The following CUEDC1 variants were observed in gnomAD, a reference collection of about 807,000 sequenced individuals.
CUEDC1 encodes the protein CUE domain containing 1.
A neutral mutation model predicts 43.7 loss-of-function variants in CUEDC1; 30 were observed. That is an observed-to-expected ratio of 0.69 (90% confidence interval 0.51 to 0.93). The LOEUF is 0.93. Ranked by LOEUF, CUEDC1 falls within the 40% of genes least tolerant of loss-of-function variation. CUEDC1 has a pLI of 0.00. For synonymous variants in CUEDC1, 223 were observed against 223.6 expected (o/e 1.00, Z 0.02); for missense variants, 486 against 549.0 (o/e 0.89, Z 1.15).
chr17:57,953,791 G>C (rs1270405075), intron 1 of CUEDC1, among the ~76,000 whole-genome samples: 1 of 152,154 alleles, frequency 6.6e-6, no homozygotes, highest in Non-Finnish European at 1.5e-5. Flanking sequence ...TTCTATTCAA[G>C]GATGTGCCCA....
At chr17:57,902,866 G>A (rs991597562) in intron 1 of CUEDC1, 1 of 152,256 alleles carries the variant, frequency 6.6e-6, no homozygotes, top group Non-Finnish European at 1.5e-5. Context: ...GCAGAGGAGG[G>A]GATTGAAGTA....
At chr17:57,875,412 G>T (rs956833250) in intron 3 of CUEDC1, among the ~76,000 whole-genome samples, 2 of 152,108 alleles carry the variant, frequency 1.3e-5, no homozygotes, top group Non-Finnish European at 2.9e-5. Context: ...TTTCCTTGCT[G>T]CTAGGCCTGT....
At chr17:57,897,031 A>G (rs925442541) in intron 1 of CUEDC1, among the ~76,000 whole-genome samples, 1 of 152,070 alleles carries the variant, frequency 6.6e-6, no homozygotes, top group Non-Finnish European at 1.5e-5. Flanking sequence ...TAGGCCTCCC[A>G]AAGTGCTGGG....
At chr17:57,922,298 C>G (rs1008715092) in intron 1 of CUEDC1, 1 of 152,128 alleles carries the variant, frequency 6.6e-6, no homozygotes, top group African/African-American at 2.4e-5. Context: ...TACCCTGTTT[C>G]CTCTATGACC....
In CUEDC1 at chr17:57,872,682, G is replaced by A; in HGVS notation, c.765C>T (p.Phe255=). The part of the protein sequence containing the change: ...FMKELQRNRD[F]LLALERDRLK... ...GCCCACCTCTCTCCAGAGCGAGGAG[G>A]AAGTCGCGGTTCCGTTGCAGCTCCT... is the stretch of plus-strand genomic sequence containing the variant. The change falls in exon 5 of 11, where the codon TTC becomes TTT. Residue 255 remains phenylalanine, a synonymous_variant. Coordinates refer to ENST00000577830, the MANE Select transcript of CUEDC1 (RefSeq NM_001271875.2). 3 of 1,614,110 alleles carry A rather than the reference G, an allele frequency of 1.9e-6. No individual in the cohort carries two copies. Among genetic ancestry groups the A allele is most frequent in the Non-Finnish European group, 2.5e-6 (3 of 1,180,026 alleles).
intron 4 of CUEDC1, 23 bp downstream of exon 4, chr17:57,873,568 A>C: frequency 6.6e-7 from 1 of 1,524,136 alleles, no homozygotes; most frequent in Non-Finnish European, 8.8e-7. Context: ...GTGGGAGTGG[A>C]AGGCGGGGGC....
At chr17:57,891,573 G>C (rs112917914) in intron 1 of CUEDC1, among the ~76,000 whole-genome samples, 2 of 152,226 alleles carry the variant, frequency 1.3e-5, no homozygotes, top group African/African-American at 4.8e-5. Flanking sequence ...GCTTTACCGT[G>C]GCCAACCCAC....
At chr17:57,895,183 A>G (rs2074395841) in intron 1 of CUEDC1, among the ~76,000 whole-genome samples, 1 of 152,214 alleles carries the variant, frequency 6.6e-6, no homozygotes, top group African/African-American at 2.4e-5. Context: ...TAGTAGAAAA[A>G]TGAGGCGTAG....
At chr17:57,890,250 A>C (rs2074340788) in intron 1 of CUEDC1, among the ~76,000 whole-genome samples, 1 of 152,208 alleles carries the variant, frequency 6.6e-6, no homozygotes, top group African/African-American at 2.4e-5. Flanking sequence ...AAATTCAGCC[A>C]TGTGTGCCCC....
At chr17:57,933,796 A>G (rs1377381807) in intron 1 of CUEDC1, among the ~76,000 whole-genome samples, 1 of 152,124 alleles carries the variant, frequency 6.6e-6, no homozygotes, top group Non-Finnish European at 1.5e-5. Context: ...ACAAATGAAC[A>G]CAGGCCCAGA....
In CUEDC1 at chr17:57,896,487, G is replaced by GGGGGGGGGGT. The variant is rs375270781; in HGVS notation, c.-315-10609_-315-10608insACCCCCCCCC. The stretch of plus-strand genomic sequence containing the variant: ...GTCACTCTACTATAGTGCATTATGG[G>GGGGGGGGGGT]GTGTGTGTGTGTGTGTGTGTGTGTG... On this transcript the variant is annotated intron_variant, in intron 1 of 10. Transcript: ENST00000577830. Among the ~76,000 whole-genome samples the GGGGGGGGGGT allele has an allele frequency of 1.5e-4, 19 of 130,364 alleles. 1 individual carries two copies. Among genetic ancestry groups the GGGGGGGGGGT allele is most frequent in the South Asian group, 5.0e-4 (2 of 4,024 alleles). 85.5% of individuals were successfully genotyped at this position (130,364 alleles called of 152,430 possible). A position where few individuals can be genotyped will look rare whatever the true frequency, so the allele number is the denominator to read the frequency against.
chr17:57,908,122 T>G (rs1304632209), intron 1 of CUEDC1, among the ~76,000 whole-genome samples: 1 of 151,644 alleles, frequency 6.6e-6, no homozygotes, highest in Non-Finnish European at 1.5e-5. Flanking sequence ...AGTGGCATGA[T>G]CTCGGCTCAC....
chr17:57,867,526 C>T (rs2073977754), intron 8 of CUEDC1, 111 bp from the exon 9 acceptor site: 2 of 964,326 alleles, frequency 2.1e-6, no homozygotes, highest in African/African-American at 1.6e-5. Context: ...GTACCTGACA[C>T]ACCCACCTGA....
intron 1 of CUEDC1, among the ~76,000 whole-genome samples, chr17:57,887,898 C>CTTTTTTTTTTTTTTTTTTTTTT (rs748886251): frequency 8.5e-6 from 1 of 118,032 alleles, no homozygotes; most frequent in Non-Finnish European, 1.8e-5. Flanking sequence ...TTCTTTTTCT[C>CTTTTTTTTTTTTTTTTTTTTTT]TTTTTTTTTT....
chr17:57,935,642 T>G (rs773493276), intron 1 of CUEDC1, among the ~76,000 whole-genome samples: 1 of 151,992 alleles, frequency 6.6e-6, no homozygotes, highest in Non-Finnish European at 1.5e-5. Context: ...ACTGAAAGGC[T>G]TCCACAGGGA....
At chr17:57,927,801 A>G (rs912286616) in intron 1 of CUEDC1, among the ~76,000 whole-genome samples, 13 of 152,258 alleles carry the variant, frequency 8.5e-5, no homozygotes, top group Admixed American at 8.5e-4. Context: ...TTCTGTAGGC[A>G]AAACAATTCA....
chr17:57,928,472 C>G (rs2074770484), intron 1 of CUEDC1, among the ~76,000 whole-genome samples: 1 of 149,534 alleles, frequency 6.7e-6, no homozygotes, highest in Admixed American at 6.8e-5. Flanking sequence ...TGGCGTGAAC[C>G]CAGAAGGTGG....
rs982124228 is a variant in CUEDC1 at position 57,926,785 on chromosome 17, G to T, written c.-316+28440C>A. ...TTAGAGGCAAAAATATAACCACATC[G>T]TTTTTCTTTTCAAACCACTCATGTA... On this transcript the variant is annotated intron_variant, in intron 1 of 10. Coordinates refer to ENST00000577830, the MANE Select transcript of CUEDC1 (RefSeq NM_001271875.2). 1.1e-3 allele frequency among the ~76,000 whole-genome samples: 173 copies of T among 152,244 alleles called. 2 individuals carry two copies. Among genetic ancestry groups the T allele is most frequent in the African/African-American group, 4.1e-3 (169 of 41,532 alleles).
At chr17:57,932,610 A>G (rs1394370615) in intron 1 of CUEDC1, among the ~76,000 whole-genome samples, 1 of 102,620 alleles carries the variant, frequency 9.7e-6, no homozygotes, top group Non-Finnish European at 2.0e-5. Context: ...AAAAAAAAAA[A>G]AAGTCTGTTG....
Sources: gnomAD v4.1 joint callset for allele counts (sites outside exome capture counted in the v4.1 genomes callset) on GRCh38, gnomAD v4.1.1 for gene constraint, MANE v1.5 for transcripts, NCBI Gene and HGNC (gene_info 2026-07-23, HGNC 2026-07-21) for gene names.